GRB10: variants seen among roughly 807,000 people sequenced by gnomAD.
The protein encoded by GRB10 is growth factor receptor-bound protein 10.
Under a neutral mutation model 80.9 loss-of-function variants are expected in GRB10, and 20 were observed. That is an observed-to-expected ratio of 0.25 (90% CI 0.17 to 0.36). The LOEUF (loss-of-function observed/expected upper bound fraction) is 0.36, where lower values mean the gene tolerates loss of function less well. Among genes scored for constraint, GRB10 ranks in the 10% least tolerant of loss-of-function variants. The probability of loss-of-function intolerance (pLI) is 1.00; values close to 1 mark genes in which losing one functional copy is unlikely to be tolerated. For synonymous variants in GRB10, 291 were observed against 291.5 expected, an observed-to-expected ratio of 1.00 and a Z score of 0.02; for missense variants, 548 against 747.7, an observed-to-expected ratio of 0.73 and a Z score of 3.12.
intron 5 of GRB10, among the ~76,000 whole-genome samples, chr7:50,690,906 T>C (rs1411829362): frequency 6.6e-6 from 1 of 152,222 alleles, no homozygotes; most frequent in African/African-American, 2.4e-5. Flanking sequence ...AGGCCCAGAA[T>C]AGCTGAGATT....
chr7:50,710,624 G>A (rs566420784), intron 4 of GRB10, among the ~76,000 whole-genome samples: 61 of 152,208 alleles, frequency 4.0e-4, no homozygotes, highest in African/African-American at 1.4e-3. Context: ...TCATCAGTGC[G>A]GCGGGCACTG....
intron 6 of GRB10, among the ~76,000 whole-genome samples, chr7:50,670,111 A>G (rs996939210): frequency 1.7e-4 from 26 of 152,232 alleles, no homozygotes; most frequent in African/African-American, 5.8e-4. Context: ...ATGAAAAAGG[A>G]AGCACATTCT....
At chr7:50,774,664 A>G (rs1053533884) in intron 2 of GRB10, among the ~76,000 whole-genome samples, 1 of 152,180 alleles carries the variant, frequency 6.6e-6, no homozygotes, top group Non-Finnish European at 1.5e-5. Context: ...AGGAGACACA[A>G]ACATTCAAAC....
intron 5 of GRB10, among the ~76,000 whole-genome samples, chr7:50,697,314 TAAAG>T (rs1465993006): frequency 1.3e-5 from 2 of 152,204 alleles, no homozygotes; most frequent in South Asian, 2.1e-4. Context: ...ATATTTTTAA[TAAAG>T]AAAGGTTTTT....
chr7:50,630,047 C>G (rs1314116939), intron 7 of GRB10, among the ~76,000 whole-genome samples: 1 of 152,240 alleles, frequency 6.6e-6, no homozygotes, highest in Non-Finnish European at 1.5e-5. Flanking sequence ...CTGAGACCCA[C>G]AAGTTCTATC....
intron 7 of GRB10, among the ~76,000 whole-genome samples, chr7:50,636,257 G>T (rs1441038422): frequency 1.3e-5 from 2 of 152,106 alleles, no homozygotes; most frequent in Non-Finnish European, 2.9e-5. Flanking sequence ...GGGATTACAG[G>T]TGTGAGCCAC....
chr7:50,594,316 G>A (rs1337626567), intron 18 of GRB10, among the ~76,000 whole-genome samples: 6 of 152,176 alleles, frequency 3.9e-5, no homozygotes, highest in Non-Finnish European at 8.8e-5. Flanking sequence ...AAGACAGTGC[G>A]TGGCACACTG....
intron 4 of GRB10, among the ~76,000 whole-genome samples, chr7:50,715,507 C>T (rs956446143): frequency 3.3e-5 from 5 of 152,276 alleles, no homozygotes; most frequent in Admixed American, 2.6e-4. Context: ...AAACAGTTCA[C>T]CTCGCCCTTC....
intron 7 of GRB10, among the ~76,000 whole-genome samples, chr7:50,652,924 A>T: frequency 6.6e-6 from 1 of 152,080 alleles, no homozygotes; most frequent in Admixed American, 6.5e-5. Flanking sequence ...CCTCAACAAC[A>T]CAATTCACTG....
intron 10 of GRB10, among the ~76,000 whole-genome samples, chr7:50,616,928 G>A (rs1395692173): frequency 2.0e-5 from 3 of 152,216 alleles, no homozygotes; most frequent in Admixed American, 1.3e-4. Flanking sequence ...GTCATGGAGC[G>A]AAGTTGGGGA....
chr7:50,747,063 T>C (rs999218146), intron 3 of GRB10, among the ~76,000 whole-genome samples: 1 of 152,100 alleles, frequency 6.6e-6, no homozygotes, highest in Non-Finnish European at 1.5e-5. Flanking sequence ...CTCCTACCCC[T>C]CAAATCAGCA....
intron 2 of GRB10, among the ~76,000 whole-genome samples, chr7:50,759,825 C>T (rs1042696720): frequency 1.3e-5 from 2 of 152,174 alleles, no homozygotes; most frequent in African/African-American, 2.4e-5. Flanking sequence ...CCCTCACTAA[C>T]CTGTCCACCA....
At chr7:50,665,731 C>G (rs1005096565) in intron 7 of GRB10, among the ~76,000 whole-genome samples, 36 of 152,184 alleles carry the variant, frequency 2.4e-4, no homozygotes, top group African/African-American at 8.4e-4. Flanking sequence ...GAAGAGGAAG[C>G]AGAGCCTGGG....
chr7:50,595,582 ATCACAC>A, intron 17 of GRB10, 52 bp from the exon 18 acceptor site: 1 of 820,694 alleles, frequency 1.2e-6, no homozygotes, highest in Non-Finnish European at 2.1e-6. Flanking sequence ...TCTGGAACTA[ATCACAC>A]ACACACACTC....
chr7:50,699,901 C>T (rs578102760), intron 5 of GRB10, among the ~76,000 whole-genome samples: 2 of 152,054 alleles, frequency 1.3e-5, no homozygotes, highest in African/African-American at 4.8e-5. Context: ...TTTGGGAGGC[C>T]GAGGCGGGCA....
intron 1 of GRB10, chr7:50,792,716 G>T: frequency 3.0e-6 from 1 of 334,692 alleles, no homozygotes; most frequent in Non-Finnish European, 5.4e-6. Flanking sequence ...CCACTGTCCC[G>T]GACGCCCGGA....
chr7:50,770,412 T>C (rs1215956817), intron 2 of GRB10, among the ~76,000 whole-genome samples: 1 of 152,150 alleles, frequency 6.6e-6, no homozygotes, highest in Non-Finnish European at 1.5e-5. Flanking sequence ...CAAGCATCTA[T>C]CTGAATTCAG....
chr7:50,762,856 G>A (rs915975136), intron 2 of GRB10, among the ~76,000 whole-genome samples: 1 of 152,196 alleles, frequency 6.6e-6, no homozygotes, highest in African/African-American at 2.4e-5. Context: ...AGTGGCTCAC[G>A]CCTGTAATCC....
At chr7:50,681,686 G>C (rs892174690) in intron 5 of GRB10, among the ~76,000 whole-genome samples, 1 of 152,206 alleles carries the variant, frequency 6.6e-6, no homozygotes, top group East Asian at 1.9e-4. Context: ...GACTGCCTGG[G>C]CATCTGAGTG....
Sources: allele counts gnomAD v4.1 joint callset (sites outside exome capture counted in the v4.1 genomes callset), GRCh38; gene constraint gnomAD v4.1.1; transcripts MANE v1.5; gene names NCBI Gene and HGNC (gene_info 2026-07-23, HGNC 2026-07-21).